RABGAP1L: variants seen among roughly 807,000 people sequenced by gnomAD.
RABGAP1L encodes the protein rab GTPase-activating protein 1-like.
A neutral mutation model predicts 137.7 loss-of-function variants in RABGAP1L; 63 were observed. The observed-to-expected ratio is 0.46, with a 90% CI of 0.37 to 0.56. RABGAP1L has a LOEUF of 0.56. Ranked by LOEUF, RABGAP1L falls within the 20% of genes least tolerant of loss-of-function variation. The pLI, the probability that RABGAP1L is intolerant of heterozygous loss-of-function variation, is 0.00. For missense variants in RABGAP1L, 1,095 were observed against 1,244.0 expected, an observed-to-expected ratio of 0.88 and a Z score of 1.80; for synonymous variants, 431 against 433.7, an observed-to-expected ratio of 0.99 and a Z score of 0.08.
At chr1:174,377,023 A>G (rs2149021905) in intron 12 of RABGAP1L, among the ~76,000 whole-genome samples, 1 of 152,350 alleles carries the variant, frequency 6.6e-6, no homozygotes, top group Non-Finnish European at 1.5e-5. Context: ...TAAAAGATAC[A>G]AGATCAATAT....
intron 10 of RABGAP1L, among the ~76,000 whole-genome samples, chr1:174,294,659 A>G (rs151091385): frequency 3.3e-5 from 5 of 152,326 alleles, no homozygotes; most frequent in Admixed American, 6.5e-5. Flanking sequence ...TAAGAAGGCT[A>G]TTGTGGCCAA....
chr1:174,906,157 G>A (rs533285508), intron 19 of RABGAP1L, among the ~76,000 whole-genome samples: 2 of 152,122 alleles, frequency 1.3e-5, no homozygotes, highest in Non-Finnish European at 2.9e-5. Context: ...AGCTAGGACT[G>A]TAGGCATGTG....
intron 13 of RABGAP1L, among the ~76,000 whole-genome samples, chr1:174,411,611 A>G (rs1649937154): frequency 6.6e-6 from 1 of 151,824 alleles, no homozygotes; most frequent in Admixed American, 6.6e-5. Flanking sequence ...ATCTATGTTC[A>G]CTAGGGATAT....
chr1:174,699,923 C>T (rs572140103), intron 16 of RABGAP1L, among the ~76,000 whole-genome samples: 1 of 152,000 alleles, frequency 6.6e-6, no homozygotes, highest in South Asian at 2.1e-4. Context: ...AAGAGATTGC[C>T]AAGTATTGTT....
chr1:174,503,586 G>A (rs748955061), intron 13 of RABGAP1L, among the ~76,000 whole-genome samples: 4 of 150,644 alleles, frequency 2.7e-5, no homozygotes, highest in Non-Finnish European at 5.9e-5. Context: ...GCCTGAACTC[G>A]GGAGGCGGAG....
intron 10 of RABGAP1L, among the ~76,000 whole-genome samples, chr1:174,286,608 G>GT (rs1402032730): frequency 2.0e-5 from 3 of 151,550 alleles, no homozygotes; most frequent in Non-Finnish European, 4.4e-5. Flanking sequence ...TTTGGGTCCA[G>GT]TTTTTTTTCC....
At chr1:174,861,537 T>C (rs746795555) in intron 19 of RABGAP1L, among the ~76,000 whole-genome samples, 1 of 152,182 alleles carries the variant, frequency 6.6e-6, no homozygotes, top group African/African-American at 2.4e-5. Context: ...TGTACTATTC[T>C]TCATAGTAAC....
chr1:174,203,027 T>C (rs1668244091), intron 1 of RABGAP1L, among the ~76,000 whole-genome samples: 1 of 152,222 alleles, frequency 6.6e-6, no homozygotes, highest in South Asian at 2.1e-4. Flanking sequence ...CCACTTGTCC[T>C]TTTTTTCCTT....
chr1:174,902,790 A>G (rs750897996), intron 19 of RABGAP1L, among the ~76,000 whole-genome samples: 10 of 152,214 alleles, frequency 6.6e-5, no homozygotes, highest in African/African-American at 2.2e-4. Flanking sequence ...TGCCTGCCCC[A>G]CACTACTTTT....
intron 19 of RABGAP1L, among the ~76,000 whole-genome samples, chr1:174,929,567 T>G (rs1254533297): frequency 1.3e-5 from 2 of 151,736 alleles, no homozygotes; most frequent in Admixed American, 6.6e-5. Context: ...CATAACGAGA[T>G]CCTATCTCCA....
At chr1:174,641,092 A>C (rs1674500128) in intron 14 of RABGAP1L, among the ~76,000 whole-genome samples, 2 of 151,548 alleles carry the variant, frequency 1.3e-5, no homozygotes, top group African/African-American at 4.8e-5. Flanking sequence ...TCATCAATGG[A>C]GCCTACACTG....
intron 19 of RABGAP1L, among the ~76,000 whole-genome samples, chr1:174,868,619 T>C (rs1651687934): frequency 1.3e-5 from 2 of 152,204 alleles, no homozygotes; most frequent in Admixed American, 1.3e-4. Flanking sequence ...TAGCCCATAG[T>C]AATGGTGTTT....
At chr1:174,790,815 A>G (rs1687799549) in intron 18 of RABGAP1L, among the ~76,000 whole-genome samples, 1 of 151,270 alleles carries the variant, frequency 6.6e-6, no homozygotes, top group Admixed American at 6.6e-5. Context: ...GTGTTTATGT[A>G]TGGTGGGAGA....
chr1:174,988,937 T>G, intron 25 of RABGAP1L, 99 bp downstream of exon 25: 5 of 1,090,496 alleles, frequency 4.6e-6, no homozygotes, highest in Non-Finnish European at 5.0e-6. Context: ...CAGAATTGTA[T>G]GATGAATACA....
intron 13 of RABGAP1L, among the ~76,000 whole-genome samples, chr1:174,559,368 A>C (rs74126834): frequency 0.035 from 5,279 of 152,306 alleles, 120 homozygotes; most frequent in Middle Eastern, 0.088. Flanking sequence ...CAAAAAGAAG[A>C]GTGCATAGGG....
intron 19 of RABGAP1L, chr1:174,892,543 C>G: frequency 1.9e-6 from 1 of 521,904 alleles, no homozygotes; most frequent in Non-Finnish European, 3.8e-6. Context: ...ATAGTCTTAG[C>G]TTTGAAAAGA....
At position 174,371,009 on chromosome 1, in the gene RABGAP1L, G is replaced by A. The variant is rs377531997; in HGVS notation, c.1496G>A (p.Gly499Asp). ...GATAATGAACTCTCAAGTGGAACAG[G>A]TGATGTGTCTAAGGATTGTCCTGAG... Reference protein sequence around the residue: ...ESDNELSSGTGDVSKDCPEKI... With the variant: ...ESDNELSSGTDDVSKDCPEKI... The change falls in exon 12 of 26, where the codon GGT becomes GAT. Residue 499 changes from glycine to aspartate, a missense_variant. This residue lies in a region of RABGAP1L where 315 missense variants were observed against 324.8 expected (regional missense o/e 0.97). Coordinates refer to ENST00000681986, the MANE Select transcript of RABGAP1L (RefSeq NM_001366446.1). 2 of 1,496,368 alleles carry A rather than the reference G, an allele frequency of 1.3e-6. No individual in the cohort carries two copies. The highest frequency in any genetic ancestry group is 2.7e-5 in the African/African-American group (2 of 74,104). The allele number at this position is 1,496,368 out of a possible 1,614,324, so 92.7% of individuals were successfully genotyped here.
At chr1:174,782,613 C>T (rs1034461330) in intron 18 of RABGAP1L, among the ~76,000 whole-genome samples, 5 of 152,070 alleles carry the variant, frequency 3.3e-5, no homozygotes, top group Admixed American at 6.6e-5. Flanking sequence ...TCTGCATTTC[C>T]GCATGGGATG....
At chr1:174,469,373 T>G (rs897526929) in intron 13 of RABGAP1L, among the ~76,000 whole-genome samples, 2 of 152,222 alleles carry the variant, frequency 1.3e-5, no homozygotes, top group Non-Finnish European at 2.9e-5. Flanking sequence ...AATTAATCCT[T>G]TAAGCCACTA....
Sources: gnomAD v4.1 joint callset for allele counts (sites outside exome capture counted in the v4.1 genomes callset) on GRCh38, gnomAD v4.1.1 for gene constraint, gnomAD v4.1.1 regional missense constraint, MANE v1.5 for transcripts, NCBI Gene and HGNC (gene_info 2026-07-23, HGNC 2026-07-21) for gene names.